Variants in TMEM131 observed in about 807,000 individuals in gnomAD.
TMEM131 encodes 2610524E03Rik.
A neutral mutation model predicts 211.6 loss-of-function variants in TMEM131; 66 were observed. That is an observed-to-expected ratio of 0.31 (90% CI 0.26 to 0.38). TMEM131 has a LOEUF of 0.38. Ranked by LOEUF, TMEM131 falls within the 10% of genes least tolerant of loss-of-function variation. The pLI is 1.00. For synonymous variants in TMEM131, 844 were observed against 841.3 expected, an observed-to-expected ratio of 1.00 and a Z score of -0.06; for missense variants, 2,036 against 2,299.3, an observed-to-expected ratio of 0.89 and a Z score of 2.34.
rs1677836582 is a variant in TMEM131, at chr2:97,943,022, A to AAAGAAAAG, written c.188-15536_188-15535insCTTTTCTT. On this transcript the variant is annotated intron_variant, in intron 1 of 40. Transcript: ENST00000186436. ...AGAAAGAAAAGAAAGAAAAGAAAAG[A>AAAGAAAAG]AAAGAAAAGAAAAGAAAAGAAAGAA... 7.0e-4 allele frequency among the ~76,000 whole-genome samples: 42 copies of AAAGAAAAG among 59,880 alleles called. 2 individuals carry two copies. Among genetic ancestry groups the AAAGAAAAG allele is most frequent in the African/African-American group, 2.8e-3 (39 of 14,074 alleles). 39.3% of individuals were successfully genotyped at this position (59,880 alleles called of 152,430 possible).
intron 4 of TMEM131, among the ~76,000 whole-genome samples, chr2:97,867,230 A>G (rs535395983): frequency 7.0e-4 from 107 of 152,254 alleles, no homozygotes; most frequent in African/African-American, 2.5e-3. Context: ...AGTCTTCTAT[A>G]TCTTTATCTT....
intron 3 of TMEM131, among the ~76,000 whole-genome samples, chr2:97,893,489 C>A (rs1388683550): frequency 6.6e-6 from 1 of 152,200 alleles, no homozygotes; most frequent in East Asian, 1.9e-4. Flanking sequence ...AATGGTTGAA[C>A]TAATTTACAC....
chr2:97,977,046 G>A (rs1679570655), intron 1 of TMEM131, among the ~76,000 whole-genome samples: 1 of 145,690 alleles, frequency 6.9e-6, no homozygotes, highest in African/African-American at 2.6e-5. Flanking sequence ...CTAAATGAAA[G>A]ACCTACCACT....
chr2:97,842,140 G>A (rs1303744289), intron 6 of TMEM131, among the ~76,000 whole-genome samples: 4 of 152,094 alleles, frequency 2.6e-5, no homozygotes, highest in African/African-American at 9.7e-5. Context: ...TGTGAATTTA[G>A]AATGATTTCT....
At chr2:97,760,766 G>C (rs763634224) in intron 37 of TMEM131, 27 bp downstream of exon 37, 51 of 1,613,600 alleles carry the variant, frequency 3.2e-5, no homozygotes, top group Non-Finnish European at 4.1e-5. Context: ...GCCTGGCGTG[G>C]CAGGTCTCTG....
intron 1 of TMEM131, among the ~76,000 whole-genome samples, chr2:97,979,615 CCT>C (rs1679697126): frequency 6.6e-6 from 1 of 151,766 alleles, no homozygotes; most frequent in Non-Finnish European, 1.5e-5. Flanking sequence ...AGCTTCTTCC[CCT>C]CTCTCAGTCT....
intron 22 of TMEM131, 97 bp downstream of exon 22, chr2:97,804,991 G>A (rs1300532927): frequency 1.1e-6 from 1 of 878,658 alleles, no homozygotes. Context: ...TAGCTATAAA[G>A]CAAAATAATC....
At chr2:97,848,555 G>A (rs1220424690) in intron 5 of TMEM131, among the ~76,000 whole-genome samples, 1 of 152,146 alleles carries the variant, frequency 6.6e-6, no homozygotes, top group Non-Finnish European at 1.5e-5. Flanking sequence ...TGCTATGTAA[G>A]TAGTTTATAC....
At chr2:97,823,717 T>C (rs1310552390) in intron 11 of TMEM131, among the ~76,000 whole-genome samples, 1 of 152,044 alleles carries the variant, frequency 6.6e-6, no homozygotes, top group East Asian at 1.9e-4. Context: ...AGCCCATGAG[T>C]TATTCAATGA....
chr2:97,833,371 T>C lies in TMEM131; in HGVS notation c.1068A>G (p.Pro356=). 1 of 1,295,418 alleles carries C rather than the reference T, an allele frequency of 7.7e-7. No individual in the cohort carries two copies. The highest frequency in any genetic ancestry group is 1.1e-6 in the Non-Finnish European group (1 of 919,982). The allele number at this position is 1,295,418 out of a possible 1,614,324, so 80.2% of individuals were successfully genotyped here. The change falls in exon 11 of 41, where the codon CCA becomes CCG. Residue 356 remains proline (P), a synonymous_variant. Transcript: ENST00000186436. ...HLLNSGTKDV[P]ITSVRPTPQN... is the part of the protein sequence containing the mutation. ...AAAAGAAGTAAAAACTTACTGTTATTGGTACATCTTTTGTTCCTGAATTTA... is the reference window on the plus strand; with the variant it reads ...AAAAGAAGTAAAAACTTACTGTTATCGGTACATCTTTTGTTCCTGAATTTA...
At chr2:97,770,914 T>A (rs1297443483) in intron 33 of TMEM131, among the ~76,000 whole-genome samples, 1 of 152,224 alleles carries the variant, frequency 6.6e-6, no homozygotes, top group Non-Finnish European at 1.5e-5. Flanking sequence ...TCATTTACTT[T>A]AAAATATCTG....
At chr2:97,977,055 C>G (rs1679571475) in intron 1 of TMEM131, among the ~76,000 whole-genome samples, 1 of 151,162 alleles carries the variant, frequency 6.6e-6, no homozygotes, top group Non-Finnish European at 1.5e-5. Flanking sequence ...AGACCTACCA[C>G]TATAAAACTT....
At chr2:97,880,348 A>C (rs1674875444) in intron 4 of TMEM131, among the ~76,000 whole-genome samples, 1 of 152,204 alleles carries the variant, frequency 6.6e-6, no homozygotes, top group Admixed American at 6.5e-5. Flanking sequence ...GGAAGTGGGA[A>C]AAACGACATG....
chr2:97,872,369 G>A (rs1308290451), intron 4 of TMEM131, among the ~76,000 whole-genome samples: 2 of 152,100 alleles, frequency 1.3e-5, no homozygotes, highest in Admixed American at 6.5e-5. Context: ...CCCCAAACCT[G>A]GGCAAGCCAA....
At chr2:97,942,305 T>A in intron 1 of TMEM131, among the ~76,000 whole-genome samples, 1 of 110,424 alleles carries the variant, frequency 9.1e-6, no homozygotes, top group African/African-American at 3.6e-5. Flanking sequence ...GTGGGGAACA[T>A]CACACACCGG....
rs1315215663 is a variant in TMEM131, at chr2:97,762,174, G to A, written c.4750C>T (p.Leu1584=). Residue 1584 remains leucine, a synonymous_variant, in exon 36 of 41, where the codon CTG becomes TTG. Coordinates refer to ENST00000186436, the MANE Select transcript of TMEM131 (RefSeq NM_015348.2). The stretch of plus-strand genomic sequence containing the variant: ...AAAATGTCTGCGTTGAGGGTTTGCA[G>A]AGAAAGTTTATAAAGACTATCAGTA... ...SSTDSLYKLS[L]QTLNADIFLK... 1 of 1,614,006 alleles carries A rather than the reference G, an allele frequency of 6.2e-7. No homozygotes were observed. Among genetic ancestry groups the A allele is most frequent in the Non-Finnish European group, 8.5e-7 (1 of 1,179,880 alleles).
intron 5 of TMEM131, among the ~76,000 whole-genome samples, chr2:97,846,884 T>C (rs1683464529): frequency 1.3e-5 from 2 of 152,192 alleles, no homozygotes; most frequent in South Asian, 2.1e-4. Context: ...TAACACTGTA[T>C]TGGACGTGCA....
chr2:97,844,718 T>C (rs534785666), intron 5 of TMEM131, among the ~76,000 whole-genome samples: 8 of 152,160 alleles, frequency 5.3e-5, no homozygotes, highest in Admixed American at 1.3e-4. Context: ...GCAACTTAAA[T>C]AGGAAAGAAG....
At chr2:97,842,845 T>C (rs1291403281) in intron 6 of TMEM131, among the ~76,000 whole-genome samples, 2 of 152,198 alleles carry the variant, frequency 1.3e-5, no homozygotes, top group African/African-American at 4.8e-5. Flanking sequence ...TCTTTTCATT[T>C]ACTCAACACG....
Sources: gnomAD v4.1 joint callset for allele counts (sites outside exome capture counted in the v4.1 genomes callset) on GRCh38, gnomAD v4.1.1 for gene constraint, MANE v1.5 for transcripts, NCBI Gene and HGNC (gene_info 2026-07-23, HGNC 2026-07-21) for gene names.